Variants in IYD observed in about 807,000 individuals in gnomAD.
The protein encoded by IYD is iodotyrosine deiodinase, also known as iodotyrosine deiodinase 1.
Under a neutral mutation model 28.4 loss-of-function variants are expected in IYD, and 25 were observed. That is an observed-to-expected ratio of 0.88 (90% CI 0.64 to 1.23). The LOEUF (loss-of-function observed/expected upper bound fraction) is 1.23, where lower values mean the gene tolerates loss of function less well. IYD is among the 50% of genes most tolerant of loss of function. The probability of loss-of-function intolerance (pLI) is 0.00; values close to 1 mark genes in which losing one functional copy is unlikely to be tolerated. For missense variants in IYD, 352 were observed against 357.9 expected, an observed-to-expected ratio of 0.98 and a Z score of 0.13; for synonymous variants, 140 against 130.8, an observed-to-expected ratio of 1.07 and a Z score of -0.48.
In IYD at chr6:150,400,825, G is replaced by A. The variant is rs1298078853; in HGVS notation, c.*2588G>A. On this transcript the variant is annotated 3_prime_UTR_variant, in exon 5 of 5. Transcript: ENST00000344419. ...TGCCTGTTAAAGTCTGAGCTCTGTT[G>A]CAGATAACCAGAGACCCAACAACCA... 2.0e-5 allele frequency: 3 copies of A among 152,338 alleles called. No homozygotes were observed. Among genetic ancestry groups the A allele is most frequent in the Middle Eastern group, 6.8e-3 (2 of 294 alleles). 9.4% of individuals were successfully genotyped at this position (152,338 alleles called of 1,614,324 possible).
intron 2 of IYD, among the ~76,000 whole-genome samples, chr6:150,391,912 T>C (rs1778134264): frequency 6.6e-6 from 1 of 152,030 alleles, no homozygotes; most frequent in Non-Finnish European, 1.5e-5. Flanking sequence ...TTTCACCATG[T>C]TGGCCAGGCT....
At chr6:150,396,987 A>G (rs1778348410) in intron 4 of IYD, 1 of 152,226 alleles carries the variant, frequency 6.6e-6, no homozygotes, top group South Asian at 2.1e-4. Context: ...AGAAAGAAGA[A>G]ATCAGTTAGG....
chr6:150,389,017 T>TA (rs1778010459), intron 1 of IYD, among the ~76,000 whole-genome samples: 2 of 152,118 alleles, frequency 1.3e-5, no homozygotes, highest in South Asian at 4.2e-4. Context: ...TTCCTTTTTT[T>TA]AAAAAGAGAC....
intron 1 of IYD, chr6:150,370,430 T>G: frequency 4.2e-6 from 1 of 240,714 alleles, no homozygotes; most frequent in Non-Finnish European, 5.9e-6. Flanking sequence ...CATGAGTGTG[T>G]TTGTGAGAGA....
intron 1 of IYD, among the ~76,000 whole-genome samples, chr6:150,371,568 G>A (rs1037785405): frequency 1.3e-5 from 2 of 152,300 alleles, no homozygotes; most frequent in East Asian, 1.9e-4. Flanking sequence ...TGGAGGCTGG[G>A]AACATAGAGC....
chr6:150,398,023 C>T, intron 4 of IYD, 32 bp from the exon 5 acceptor site: 2 of 1,609,382 alleles, frequency 1.2e-6, no homozygotes, highest in Non-Finnish European at 1.7e-6. Flanking sequence ...TGCCTGCTGA[C>T]TTTAAAATGC....
chr6:150,371,335 T>C (rs1777233156), intron 1 of IYD, among the ~76,000 whole-genome samples: 1 of 152,166 alleles, frequency 6.6e-6, no homozygotes, highest in South Asian at 2.1e-4. Context: ...AGGAAGGTGA[T>C]TGCAGAGATA....
chr6:150,383,262 G>C (rs1231142905), intron 1 of IYD, among the ~76,000 whole-genome samples: 1 of 152,114 alleles, frequency 6.6e-6, no homozygotes, highest in Non-Finnish European at 1.5e-5. Flanking sequence ...AGACCTTCAG[G>C]GTCCCAGCTT....
intron 1 of IYD, among the ~76,000 whole-genome samples, chr6:150,370,168 T>TGAGTGTATGTGTGTGA (rs1287246830): frequency 1.2e-4 from 18 of 151,946 alleles, no homozygotes; most frequent in African/African-American, 4.1e-4. Flanking sequence ...TGAGTGTGTG[T>TGAGTGTATGTGTGTGA]GAGTGTATGT....
At position 150,401,812 on chromosome 6, in the gene IYD, G is replaced by A. The variant is rs1194848620; in HGVS notation, c.*3575G>A. The A allele has an allele frequency of 6.6e-6, 1 of 152,194 alleles. No homozygotes were observed. Among genetic ancestry groups the A allele is most frequent in the Non-Finnish European group, 1.5e-5 (1 of 68,034 alleles). 9.4% of individuals were successfully genotyped at this position (152,194 alleles called of 1,614,324 possible). On this transcript the variant is annotated 3_prime_UTR_variant, in exon 5 of 5. Coordinates refer to ENST00000344419, the MANE Select transcript of IYD (RefSeq NM_203395.3). ...TAATTAAGAAAGTTGAAAATGGTTTGTGTCTTACTAATAGGACTCACCTGA... is the reference window on the plus strand; with the variant it reads ...TAATTAAGAAAGTTGAAAATGGTTTATGTCTTACTAATAGGACTCACCTGA...
chr6:150,370,307 G>A (rs1245473761), intron 1 of IYD, among the ~76,000 whole-genome samples: 1 of 151,698 alleles, frequency 6.6e-6, no homozygotes, highest in Non-Finnish European at 1.5e-5. Flanking sequence ...GTGTGTGCAT[G>A]AGTGTGTGTG....
At chr6:150,392,087 G>A (rs1778141339) in intron 2 of IYD, among the ~76,000 whole-genome samples, 1 of 151,762 alleles carries the variant, frequency 6.6e-6, no homozygotes, top group African/African-American at 2.4e-5. Context: ...TGCCAGGCTA[G>A]AATGCAGTGG....
intron 4 of IYD, chr6:150,395,402 A>G: frequency 1.3e-6 from 2 of 1,536,856 alleles, no homozygotes; most frequent in Non-Finnish European, 1.7e-6. Context: ...AGGTTTTTGG[A>G]AAAATTATCC....
At chr6:150,371,189 GCT>G (rs1328021919) in intron 1 of IYD, among the ~76,000 whole-genome samples, 5 of 152,188 alleles carry the variant, frequency 3.3e-5, no homozygotes, top group Admixed American at 2.6e-4. Flanking sequence ...TATATTAATA[GCT>G]CTTAATGTAT....
In IYD at chr6:150,394,167, G is replaced by A. The variant is rs1431788360; in HGVS notation, c.599G>A (p.Gly200Asp). ...ATTCTCATTTTCAAACAAGTACATG[G>A]TTTCGCCGCAAATGGCAAGAAAAAA... ...ILILIFKQVH[G>D]FAANGKKKVH... Residue 200 changes from glycine (G) to aspartate (D), a missense_variant, in exon 4 of 5, where the codon GGT becomes GAT. Transcript: ENST00000344419. 1 of 1,614,004 alleles carries A rather than the reference G, an allele frequency of 6.2e-7. No individual in the cohort carries two copies. The highest frequency in any genetic ancestry group is 1.3e-5 in the African/African-American group (1 of 74,890).
chr6:150,395,662 T>C (rs1325212966), intron 4 of IYD: 3 of 1,028,522 alleles, frequency 2.9e-6, no homozygotes, highest in Middle Eastern at 2.8e-4. Flanking sequence ...TTATGATTAG[T>C]GATGGAGGAA....
chr6:150,397,586 A>AC (rs1778370710), intron 4 of IYD, among the ~76,000 whole-genome samples: 1 of 110,186 alleles, frequency 9.1e-6, no homozygotes, highest in South Asian at 2.9e-4. Context: ...AAAACAAAAA[A>AC]CAAAACCGAA....
At chr6:150,384,593 C>T (rs1777793209) in intron 1 of IYD, 1 of 152,068 alleles carries the variant, frequency 6.6e-6, no homozygotes, top group Admixed American at 6.6e-5. Flanking sequence ...ACATTTTCCC[C>T]TCAATAATTT....
At chr6:150,381,762 T>G (rs1777655029) in intron 1 of IYD, among the ~76,000 whole-genome samples, 1 of 152,370 alleles carries the variant, frequency 6.6e-6, no homozygotes, top group South Asian at 2.1e-4. Flanking sequence ...TTTGACTTGC[T>G]GTTTTATATT....
Sources: gnomAD v4.1 joint callset for allele counts (sites outside exome capture counted in the v4.1 genomes callset) on GRCh38, gnomAD v4.1.1 for gene constraint, MANE v1.5 for transcripts, NCBI Gene and HGNC (gene_info 2026-07-23, HGNC 2026-07-21) for gene names.